The following DYNC1I1 variants were observed in gnomAD, a reference collection of about 807,000 sequenced individuals.
DYNC1I1 encodes the protein dynein cytoplasmic 1 intermediate chain 1.
DYNC1I1 carries 43 observed loss-of-function variants against 86.6 expected under a neutral mutation model. The observed-to-expected ratio is 0.50, with a 90% CI of 0.39 to 0.64. The LOEUF (loss-of-function observed/expected upper bound fraction) is 0.64. Among genes scored for constraint, DYNC1I1 ranks in the 30% least tolerant of loss-of-function variants. The pLI, the probability that DYNC1I1 is intolerant of heterozygous loss-of-function variation, is 0.00. For synonymous variants in DYNC1I1, 262 were observed against 283.7 expected, an observed-to-expected ratio of 0.92 and a Z score of 0.77; for missense variants, 604 against 788.8, an observed-to-expected ratio of 0.77 and a Z score of 2.81.
intron 5 of DYNC1I1, among the ~76,000 whole-genome samples, chr7:95,850,344 G>A (rs1229191048): frequency 1.3e-5 from 2 of 152,120 alleles, no homozygotes; most frequent in African/African-American, 4.8e-5. Context: ...CTGTGGGTTT[G>A]TCATATATGG....
At chr7:96,018,281 A>G (rs553771194) in intron 10 of DYNC1I1, among the ~76,000 whole-genome samples, 5 of 152,226 alleles carry the variant, frequency 3.3e-5, no homozygotes, top group Non-Finnish European at 5.9e-5. Context: ...CCTGCATTCA[A>G]CCGATGCAAG....
At chr7:95,786,707 C>G (rs1794156912) in intron 1 of DYNC1I1, among the ~76,000 whole-genome samples, 2 of 152,234 alleles carry the variant, frequency 1.3e-5, no homozygotes, top group Non-Finnish European at 2.9e-5. Flanking sequence ...TATGGAGGAC[C>G]TTGCTCAGAA....
At chr7:95,878,933 A>C (rs1309800999) in intron 6 of DYNC1I1, among the ~76,000 whole-genome samples, 1 of 124,104 alleles carries the variant, frequency 8.1e-6, no homozygotes, top group Non-Finnish European at 1.7e-5. Flanking sequence ...GTGTATTCCT[A>C]GTGCCCAAAG....
chr7:96,110,006 C>A, exon 17 of DYNC1I1: 1 of 400,390 alleles, frequency 2.5e-6, no homozygotes. Flanking sequence ...AGGCTGGTCT[C>A]AAAATTCCTG....
At chr7:95,878,891 A>G (rs1466552812) in intron 6 of DYNC1I1, among the ~76,000 whole-genome samples, 5 of 151,820 alleles carry the variant, frequency 3.3e-5, no homozygotes, top group African/African-American at 1.2e-4. Flanking sequence ...ACTTCTTATC[A>G]GAAATAATTA....
intron 5 of DYNC1I1, among the ~76,000 whole-genome samples, chr7:95,835,904 G>A (rs1187634690): frequency 6.6e-6 from 1 of 152,156 alleles, no homozygotes; most frequent in Admixed American, 6.5e-5. Flanking sequence ...ACAGCACACT[G>A]ATGGGTCTTG....
rs1047696877 is a variant in DYNC1I1 at position 96,065,523 on chromosome 7, A to G, written c.1510-10534A>G. Among the ~76,000 whole-genome samples, 21 of 151,868 alleles carry G rather than the reference A, an allele frequency of 1.4e-4. 1 individual carries two copies. Among genetic ancestry groups the G allele is most frequent in the Admixed American group, 6.6e-5 (1 of 15,244 alleles). ...CTTCCAAATAGCTGGGACTACAGGC[A>G]TTCATCACCATGCCTGGCTAAATTT... On this transcript the variant is annotated intron_variant, in intron 14 of 16. Transcript: ENST00000447467.
chr7:95,956,380 CT>C (rs57664357), intron 6 of DYNC1I1, among the ~76,000 whole-genome samples: 2,956 of 139,976 alleles, frequency 0.021, 42 homozygotes, highest in African/African-American at 0.046. Flanking sequence ...CTTTTTTTCT[CT>C]TTTTTTTTTT....
intron 1 of DYNC1I1, among the ~76,000 whole-genome samples, chr7:95,779,037 G>A (rs1196799212): frequency 6.6e-6 from 1 of 152,072 alleles, no homozygotes; most frequent in East Asian, 1.9e-4. Flanking sequence ...ACAATGTCTG[G>A]AGACATTTTT....
intron 8 of DYNC1I1, 141 bp from the exon 9 acceptor site, chr7:95,986,915 T>C (rs963434206): frequency 8.7e-6 from 6 of 692,392 alleles, no homozygotes; most frequent in Non-Finnish European, 1.5e-5. Context: ...AGTTCATTAA[T>C]TTTGATCAGG....
chr7:95,968,795 G>T (rs980705951), intron 6 of DYNC1I1, among the ~76,000 whole-genome samples: 1 of 150,664 alleles, frequency 6.6e-6, no homozygotes, highest in African/African-American at 2.4e-5. Flanking sequence ...GCCAAGAATT[G>T]CATCTTCAAT....
intron 4 of DYNC1I1, among the ~76,000 whole-genome samples, chr7:95,823,340 G>A (rs1392770380): frequency 6.6e-6 from 1 of 152,146 alleles, no homozygotes; most frequent in African/African-American, 2.4e-5. Flanking sequence ...ATGCCTGGCT[G>A]GCTGGCACGG....
At chr7:95,878,916 T>C (rs565264070) in intron 6 of DYNC1I1, among the ~76,000 whole-genome samples, 1 of 144,086 alleles carries the variant, frequency 6.9e-6, no homozygotes, top group South Asian at 2.3e-4. Context: ...CAGAAGACAG[T>C]GGTGTGGTGT....
chr7:95,839,274 A>G (rs1789210997), intron 5 of DYNC1I1, among the ~76,000 whole-genome samples: 2 of 152,030 alleles, frequency 1.3e-5, no homozygotes, highest in Admixed American at 6.6e-5. Context: ...CGGGTGATCC[A>G]CCCACCTCAG....
At chr7:96,099,229 A>G (rs1028233470), downstream of DYNC1I1, among the ~76,000 whole-genome samples, 2 of 152,230 alleles carry the variant, frequency 1.3e-5, no homozygotes, top group African/African-American at 4.8e-5. Flanking sequence ...GGCCTGAGTC[A>G]CTTACAGTAG....
intron 6 of DYNC1I1, among the ~76,000 whole-genome samples, chr7:95,974,806 G>A (rs542968631): frequency 1.3e-5 from 2 of 152,142 alleles, no homozygotes; most frequent in African/African-American, 4.8e-5. Flanking sequence ...ACTTGTATTT[G>A]TTCACCTCCT....
intron 1 of DYNC1I1, among the ~76,000 whole-genome samples, chr7:95,799,564 T>C (rs1433941833): frequency 6.6e-6 from 1 of 152,066 alleles, no homozygotes; most frequent in African/African-American, 2.4e-5. Flanking sequence ...GTAATTCTTA[T>C]GTTCAGAAGA....
intron 11 of DYNC1I1, among the ~76,000 whole-genome samples, chr7:96,029,262 CT>C (rs1794753137): frequency 6.6e-6 from 1 of 152,150 alleles, no homozygotes. Flanking sequence ...GCCAAAGACA[CT>C]TGCAGGTGAA....
chr7:95,964,454 C>A (rs892435457), intron 6 of DYNC1I1, among the ~76,000 whole-genome samples: 1 of 152,160 alleles, frequency 6.6e-6, no homozygotes, highest in Admixed American at 6.6e-5. Flanking sequence ...TTTGATACAG[C>A]AGCTGCCTTG....
Sources: gnomAD v4.1 joint callset for allele counts (sites outside exome capture counted in the v4.1 genomes callset) on GRCh38, gnomAD v4.1.1 for gene constraint, MANE v1.5 for transcripts, NCBI Gene and HGNC (gene_info 2026-07-23, HGNC 2026-07-21) for gene names.